NCKAP5: variants seen among roughly 807,000 people sequenced by gnomAD.
NCKAP5 encodes nck-associated protein 5.
NCKAP5 carries 92 observed loss-of-function variants against 167.0 expected under a neutral mutation model. The observed-to-expected ratio is 0.55, with a 90% CI of 0.47 to 0.66. The LOEUF (loss-of-function observed/expected upper bound fraction) is 0.66, where lower values mean the gene tolerates loss of function less well. NCKAP5 is among the 30% of genes least tolerant of loss of function. The pLI is 0.00. For synonymous variants in NCKAP5, 891 were observed against 877.4 expected, an observed-to-expected ratio of 1.02 and a Z score of -0.27; for missense variants, 2,378 against 2,315.0, an observed-to-expected ratio of 1.03 and a Z score of -0.56.
chr2:133,240,544 G>A (rs1052605670), intron 4 of NCKAP5, among the ~76,000 whole-genome samples: 1 of 152,070 alleles, frequency 6.6e-6, no homozygotes, highest in Non-Finnish European at 1.5e-5. Flanking sequence ...GACTGTCTTG[G>A]GGATGCTTAT....
chr2:132,856,951 T>C (rs955176029), intron 11 of NCKAP5, among the ~76,000 whole-genome samples: 1 of 152,200 alleles, frequency 6.6e-6, no homozygotes, highest in Admixed American at 6.5e-5. Flanking sequence ...CTACAGGACT[T>C]AGCCTGTCTA....
chr2:133,623,689 C>T, the NCKAP5 span, among the ~76,000 whole-genome samples: 2 of 151,830 alleles, frequency 1.3e-5, no homozygotes, highest in Non-Finnish European at 2.9e-5. Flanking sequence ...CTTTTACACA[C>T]TGTTGGTGGT....
intron 8 of NCKAP5, among the ~76,000 whole-genome samples, chr2:132,948,112 A>T (rs1164352449): frequency 6.6e-6 from 1 of 152,176 alleles, no homozygotes; most frequent in African/African-American, 2.4e-5. Flanking sequence ...CTTAGATAAC[A>T]ATAAACGGTA....
chr2:133,326,938 A>ACTG lies in NCKAP5; in HGVS notation c.70-23831_70-23829dup, dbSNP rs149209722. Among the ~76,000 whole-genome samples the ACTG allele has an allele frequency of 2.7e-4, 41 of 152,254 alleles. No homozygotes were observed. The South Asian group carries it at 5.6e-3, about 21-fold the overall frequency. On this transcript the variant is annotated intron_variant, in intron 3 of 19. Transcript: ENST00000409261. ...AGAATCGGCTTCTAACATACTCGCA[A>ACTG]CTGCTGCTGCTGCTGCTGCCGCCAG...
chr2:133,220,662 G>T (rs1247795034), intron 4 of NCKAP5, among the ~76,000 whole-genome samples: 1 of 152,060 alleles, frequency 6.6e-6, no homozygotes, highest in Non-Finnish European at 1.5e-5. Context: ...ATTCAGAAAA[G>T]ACCTGCAAGG....
chr2:133,390,546 T>C (rs915572375), intron 3 of NCKAP5, among the ~76,000 whole-genome samples: 8 of 152,232 alleles, frequency 5.3e-5, no homozygotes, highest in Non-Finnish European at 1.0e-4. Context: ...TTAATTTTCC[T>C]CTTTTTCTAA....
intron 3 of NCKAP5, among the ~76,000 whole-genome samples, chr2:133,344,528 T>C (rs180707212): frequency 9.1e-4 from 138 of 151,980 alleles, no homozygotes; most frequent in African/African-American, 3.2e-3. Context: ...GCAAAGGTAC[T>C]CTCTGCAAAA....
At chr2:133,539,723 C>T (rs1185470467) in intron 2 of NCKAP5, among the ~76,000 whole-genome samples, 2 of 151,908 alleles carry the variant, frequency 1.3e-5, no homozygotes, top group Non-Finnish European at 2.9e-5. Context: ...GCTGATGAAT[C>T]CACCTAGAAT....
chr2:133,311,012 A>G (rs549280980), intron 3 of NCKAP5, among the ~76,000 whole-genome samples: 1 of 152,290 alleles, frequency 6.6e-6, no homozygotes, highest in South Asian at 2.1e-4. Context: ...CGTCAACCAA[A>G]CAATTCTCCA....
intron 6 of NCKAP5, among the ~76,000 whole-genome samples, chr2:133,010,309 T>C (rs1242038022): frequency 1.3e-5 from 2 of 152,204 alleles, no homozygotes; most frequent in Non-Finnish European, 1.5e-5. Flanking sequence ...CATTTTAGTT[T>C]GGTATACATG....
intron 5 of NCKAP5, among the ~76,000 whole-genome samples, chr2:133,160,414 T>A (rs1372660326): frequency 7.2e-6 from 1 of 139,656 alleles, no homozygotes; most frequent in Non-Finnish European, 1.5e-5. Context: ...CATTCTTTTT[T>A]TTTTTTTTCT....
At chr2:133,169,190 A>C (rs1030693225) in intron 5 of NCKAP5, among the ~76,000 whole-genome samples, 5 of 152,232 alleles carry the variant, frequency 3.3e-5, no homozygotes, top group Admixed American at 6.5e-5. Context: ...TCCTGACCTT[A>C]AAATGCCAAA....
chr2:133,461,146 C>A (rs926130405), intron 3 of NCKAP5, among the ~76,000 whole-genome samples: 3 of 152,064 alleles, frequency 2.0e-5, no homozygotes, highest in Non-Finnish European at 4.4e-5. Context: ...CGGGAAATGA[C>A]AGCAGGTCTC....
At chr2:132,997,137 T>A (rs2149319391) in intron 6 of NCKAP5, among the ~76,000 whole-genome samples, 1 of 152,324 alleles carries the variant, frequency 6.6e-6, no homozygotes, top group South Asian at 2.1e-4. Context: ...GTAGGCAGGA[T>A]AAGACAGTTC....
At chr2:133,432,420 T>C (rs1302403556) in intron 3 of NCKAP5, among the ~76,000 whole-genome samples, 1 of 152,208 alleles carries the variant, frequency 6.6e-6, no homozygotes, top group Non-Finnish European at 1.5e-5. Flanking sequence ...CACGGATCAC[T>C]GAAGTGCTTT....
At chr2:133,558,698 G>T (rs1306667383) in intron 2 of NCKAP5, among the ~76,000 whole-genome samples, 1 of 16,542 alleles carries the variant, frequency 6.0e-5, no homozygotes, top group Non-Finnish European at 1.1e-4. Context: ...GATGCAATGT[G>T]CTGAGCAAAA....
At chr2:133,361,067 G>A (rs1685071141) in intron 3 of NCKAP5, among the ~76,000 whole-genome samples, 1 of 151,838 alleles carries the variant, frequency 6.6e-6, no homozygotes. Context: ...GGTCTTTAGA[G>A]GAAGTCATGG....
At chr2:132,837,598 T>C (rs1421200124) in intron 11 of NCKAP5, among the ~76,000 whole-genome samples, 3 of 152,210 alleles carry the variant, frequency 2.0e-5, no homozygotes, top group Non-Finnish European at 4.4e-5. Flanking sequence ...TCAATTTTCT[T>C]CTGTTCACTG....
chr2:132,781,995 G>A lies in NCKAP5; in HGVS notation c.4816C>T (p.His1606Tyr), dbSNP rs749705773. The change falls in exon 14 of 20, where the codon CAC (histidine) becomes TAC (tyrosine). Residue 1606 changes from histidine (H) to tyrosine (Y), a missense_variant. His to Tyr is a moderately conservative substitution (Grantham distance 83, BLOSUM62 2). Transcript: ENST00000409261. Reference protein sequence around the residue: ...NQLKIEPRNRHSPVACSTKDT... With the variant: ...NQLKIEPRNRYSPVACSTKDT... ...TTCGTTGAACATGCAACAGGGCTGT[G>A]TCTATTCCTTGGTTCAATCTTCAGT... 3.1e-6 allele frequency: 5 copies of A among 1,613,978 alleles called. No homozygotes were observed. Among genetic ancestry groups the A allele is most frequent in the East Asian group, 2.2e-5 (1 of 44,880 alleles).
Sources: allele counts gnomAD v4.1 joint callset (sites outside exome capture counted in the v4.1 genomes callset), GRCh38; gene constraint gnomAD v4.1.1; transcripts MANE v1.5; gene names NCBI Gene and HGNC (gene_info 2026-07-23, HGNC 2026-07-21).